GCM2: variants seen among roughly 807,000 people sequenced by gnomAD.
The protein encoded by GCM2 is GCM transcription factor 2, also known as chorion-specific transcription factor GCMb.
GCM2 carries 21 observed loss-of-function variants against 24.8 expected under a neutral mutation model. That is an observed-to-expected ratio of 0.85 (90% confidence interval 0.60 to 1.22). The LOEUF (loss-of-function observed/expected upper bound fraction) is 1.22. GCM2 is among the 50% of genes most tolerant of loss of function. The pLI, the probability that GCM2 is intolerant of heterozygous loss-of-function variation, is 0.00. For synonymous variants in GCM2, 222 were observed against 238.0 expected (o/e 0.93, Z 0.62); for missense variants, 532 against 645.6 (o/e 0.82, Z 1.91).
intron 4 of GCM2, 116 bp from the exon 5 acceptor site, chr6:10,875,049 G>A: frequency 1.3e-6 from 1 of 799,010 alleles, no homozygotes; most frequent in Non-Finnish European, 2.2e-6. Context: ...GCTCTGTGTT[G>A]TGAACATGGC....
chr6:10,874,599 T>A lies in GCM2; in HGVS notation c.917A>T (p.His306Leu). 6.2e-7 allele frequency: 1 copy of A among 1,614,140 alleles called. No individual in the cohort carries two copies. The highest frequency in any genetic ancestry group is 1.3e-5 in the African/African-American group (1 of 75,066). The change falls in exon 5 of 5, where the codon CAT (histidine) becomes CTT (leucine). Residue 306 changes from histidine (H) to leucine (L), a missense_variant. His to Leu is a moderately conservative substitution (Grantham distance 99). Coordinates refer to ENST00000379491, the MANE Select transcript of GCM2 (RefSeq NM_004752.4). Reference protein sequence around the residue: ...TSIPNDTDWVHLNTLQCNVNS... With the variant: ...TSIPNDTDWVLLNTLQCNVNS... The stretch of plus-strand genomic sequence containing the variant: ...GACATTACATTGTAGTGTGTTCAGA[T>A]GAACCCAGTCTGTGTCATTAGGGAT...
At chr6:10,877,530 T>C in intron 1 of GCM2, 138 bp from the exon 2 acceptor site, 1 of 854,770 alleles carries the variant, frequency 1.2e-6, no homozygotes. Flanking sequence ...AAAATGCCAC[T>C]CTTTCTATGT....
intron 2 of GCM2, among the ~76,000 whole-genome samples, 167 bp downstream of exon 2, chr6:10,876,973 G>A (rs1377385622): frequency 2.0e-5 from 3 of 152,248 alleles, no homozygotes; most frequent in Admixed American, 2.0e-4. Context: ...TGAGGCAGGA[G>A]GATCGCTTGA....
rs1207122915 is a variant in GCM2 at position 10,874,835 on chromosome 6, A to AT, written c.680_681insA (p.Pro228SerfsTer12). 6.2e-7 allele frequency: 1 copy of AT among 1,613,182 alleles called. No individual in the cohort carries two copies. Among genetic ancestry groups the AT allele is most frequent in the South Asian group, 1.1e-5 (1 of 91,052 alleles). On this transcript the variant is annotated frameshift_variant, in exon 5 of 5. Coordinates refer to ENST00000379491, the MANE Select transcript of GCM2 (RefSeq NM_004752.4). LOFTEE classifies it low-confidence loss of function (END_TRUNC). ...GGAAGGAAGGGCAAGGCTGCCCTGG[A>AT]ATAGGGAAGCTGGTTTCAGTAACTA...
Position 10,874,280 on chromosome 6 carries a change from C to T in GCM2, c.1236G>A (p.Ser412=), listed in dbSNP as rs149925208. Residue 412 remains serine (S), a synonymous_variant, in exon 5 of 5, where the codon TCG becomes TCA. Coordinates refer to ENST00000379491, the MANE Select transcript of GCM2 (RefSeq NM_004752.4). ...TATCTTCAGGAGCATAGTTACAGCT[C>T]GAAAGGCTCTTCACCTCTCGCACAC... ...SDSVREVKSL[S]SCNYAPEDTG... is the part of the protein sequence containing the mutation. The T allele has an allele frequency of 2.5e-6, 4 of 1,614,082 alleles. No homozygotes were observed. Among genetic ancestry groups the T allele is most frequent in the Middle Eastern group, 1.6e-4 (1 of 6,084 alleles).
chr6:10,873,686 C>G lies in GCM2; in HGVS notation c.*309G>C. The G allele has an allele frequency of 2.5e-6, 1 of 395,950 alleles. No individual in the cohort carries two copies. The highest frequency in any genetic ancestry group is 5.9e-5 in the East Asian group (1 of 17,058). 24.5% of individuals were successfully genotyped at this position (395,950 alleles called of 1,614,324 possible). ...CCAGAATCCTTGACTTCTACTCCTG[C>G]TAATAAGCTAAGTGAACTTAGGTCA... On this transcript the variant is annotated 3_prime_UTR_variant, in exon 5 of 5. Coordinates refer to ENST00000379491, the MANE Select transcript of GCM2 (RefSeq NM_004752.4).
intron 1 of GCM2, among the ~76,000 whole-genome samples, chr6:10,878,378 G>T (rs1050876075): frequency 2.0e-5 from 3 of 152,052 alleles, no homozygotes; most frequent in African/African-American, 7.2e-5. Context: ...GAGTGTAGTA[G>T]CATGATCTCA....
chr6:10,875,909 C>T lies in GCM2; in HGVS notation c.564G>A (p.Lys188=). ...CTGTTACCTCGGATTCTCGAATTCT[C>T]TTTTTCTGGGGTTGGTAGAAAGAGG... The part of the protein sequence containing the change: ...QMASFYQPQK[K]RIRESEAEEN... The change falls in exon 4 of 5, where the codon AAG becomes AAA. Residue 188 remains lysine, a synonymous_variant. Transcript: ENST00000379491. 2 of 1,614,090 alleles carry T rather than the reference C, an allele frequency of 1.2e-6. No individual in the cohort carries two copies. Among genetic ancestry groups the T allele is most frequent in the Non-Finnish European group, 1.7e-6 (2 of 1,179,988 alleles).
In GCM2 at chr6:10,873,879, C is replaced by T; in HGVS notation, c.*116G>A. ...AGTTACTCAGAATTTTTACTACTAT[C>T]TGTGTTTCTTTGCACACAAGGTGAA... On this transcript the variant is annotated 3_prime_UTR_variant, in exon 5 of 5. Coordinates refer to ENST00000379491, the MANE Select transcript of GCM2 (RefSeq NM_004752.4). The T allele has an allele frequency of 1.3e-6, 1 of 795,772 alleles. No individual in the cohort carries two copies. The allele number at this position is 795,772 out of a possible 1,614,324, so 49.3% of individuals were successfully genotyped here.
In GCM2 at chr6:10,874,979, G is replaced by A. The variant is rs1779856635; in HGVS notation, c.583-46C>T. The stretch of plus-strand genomic sequence containing the variant: ...TAGACACACGCTATGTAAATCGTGT[G>A]GACACCCTCACCTGTAACAATAGCC... On this transcript the variant is annotated intron_variant, in intron 4 of 4. Coordinates refer to ENST00000379491, the MANE Select transcript of GCM2 (RefSeq NM_004752.4). 4 of 1,310,268 alleles carry A rather than the reference G, an allele frequency of 3.1e-6. No homozygotes were observed. In the South Asian group the frequency reaches 4.7e-5, roughly 15 times the overall value. The allele number at this position is 1,310,268 out of a possible 1,614,324, so 81.2% of individuals were successfully genotyped here.
intron 1 of GCM2, among the ~76,000 whole-genome samples, chr6:10,879,146 C>T (rs1264281390): frequency 6.6e-6 from 1 of 152,112 alleles, no homozygotes; most frequent in Non-Finnish European, 1.5e-5. Context: ...TTACAATTGA[C>T]ATGATACATC....
chr6:10,881,195 G>T (rs1779952484), intron 1 of GCM2, among the ~76,000 whole-genome samples: 1 of 152,030 alleles, frequency 6.6e-6, no homozygotes, highest in Non-Finnish European at 1.5e-5. Context: ...TTTTGCTCTT[G>T]TTGCCCAGGC....
At position 10,873,699 on chromosome 6, in the gene GCM2, T is replaced by C. The variant is rs909853850; in HGVS notation, c.*296A>G. 3.3e-5 allele frequency: 14 copies of C among 420,230 alleles called. No individual in the cohort carries two copies. Among genetic ancestry groups the C allele is most frequent in the Admixed American group, 7.1e-5 (2 of 28,096 alleles). 26.0% of individuals were successfully genotyped at this position (420,230 alleles called of 1,614,324 possible). ...CTTCTACTCCTGCTAATAAGCTAAGTGAACTTAGGTCAGTATTTAACCTCC... is the reference window on the plus strand; with the variant it reads ...CTTCTACTCCTGCTAATAAGCTAAGCGAACTTAGGTCAGTATTTAACCTCC... On this transcript the variant is annotated 3_prime_UTR_variant, in exon 5 of 5. Coordinates refer to ENST00000379491, the MANE Select transcript of GCM2 (RefSeq NM_004752.4).
chr6:10,881,260 G>T (rs544358859), intron 1 of GCM2, among the ~76,000 whole-genome samples: 1 of 152,286 alleles, frequency 6.6e-6, no homozygotes, highest in Admixed American at 6.5e-5. Context: ...TCGGGTTCAA[G>T]CGATTCTCCT....
Position 10,873,631 on chromosome 6 carries a change from G to A in GCM2, c.*364C>T. On this transcript the variant is annotated 3_prime_UTR_variant, in exon 5 of 5. Transcript: ENST00000379491. ...CTAGGGATGTGAAATTCCCTAAGGTGCTCTAATGGGAAAAGTCCTAGAATA... is the reference window on the plus strand; with the variant it reads ...CTAGGGATGTGAAATTCCCTAAGGTACTCTAATGGGAAAAGTCCTAGAATA... 3.2e-6 allele frequency: 1 copy of A among 315,844 alleles called. No homozygotes were observed. The highest frequency in any genetic ancestry group is 3.1e-5 in the South Asian group (1 of 31,826). The allele number at this position is 315,844 out of a possible 1,614,324, so 19.6% of individuals were successfully genotyped here. A position where few individuals can be genotyped will look rare whatever the true frequency, so the allele number is the denominator to read the frequency against.
At chr6:10,881,558 G>A (rs1192695979) in intron 1 of GCM2, 146 bp downstream of exon 1, 3 of 16,408 alleles carry the variant, frequency 1.8e-4, no homozygotes, top group South Asian at 6.9e-4. Flanking sequence ...GCGGGTATGT[G>A]TGTGTGTGTG....
rs370442979 is a variant in GCM2, at chr6:10,881,818, G to A, written c.-25C>T. The A allele has an allele frequency of 1.0e-5, 16 of 1,592,184 alleles. No individual in the cohort carries two copies. Among genetic ancestry groups the A allele is most frequent in the Non-Finnish European group, 1.3e-5 (15 of 1,169,230 alleles). The stretch of plus-strand genomic sequence containing the variant: ...TCTGCCCAACTCGCTCGCGCTTTCC[G>A]CCCAGGGTTCTGAAAAATAGAAGAA... On this transcript the variant is annotated 5_prime_UTR_variant, in exon 1 of 5. Coordinates refer to ENST00000379491, the MANE Select transcript of GCM2 (RefSeq NM_004752.4).
intron 2 of GCM2, 59 bp downstream of exon 2, chr6:10,877,081 A>C: frequency 1.3e-6 from 2 of 1,594,320 alleles, no homozygotes; most frequent in Non-Finnish European, 1.7e-6. Flanking sequence ...AAACAAAAAC[A>C]ACAACAACAA....
intron 3 of GCM2, 137 bp from the exon 4 acceptor site, chr6:10,876,153 C>T: frequency 1.1e-6 from 1 of 914,300 alleles, no homozygotes; most frequent in Non-Finnish European, 1.8e-6. Context: ...AAAAAAAATT[C>T]TTGAACAAAT....
Sources: allele counts gnomAD v4.1 joint callset (sites outside exome capture counted in the v4.1 genomes callset), GRCh38; gene constraint gnomAD v4.1.1; transcripts MANE v1.5; gene names NCBI Gene and HGNC (gene_info 2026-07-23, HGNC 2026-07-21).